Variants in SCUBE3 observed in about 807,000 individuals in gnomAD.
SCUBE3 encodes the protein signal peptide, CUB and EGF-like domain-containing protein 3.
In SCUBE3, 33 loss-of-function variants were observed where a neutral mutation model predicts 116.8. That is an observed-to-expected ratio of 0.28 (90% CI 0.21 to 0.38). SCUBE3 has a LOEUF of 0.38. SCUBE3 is among the 10% of genes least tolerant of loss of function. SCUBE3 has a pLI of 1.00. For synonymous variants in SCUBE3, 418 were observed against 496.9 expected (o/e 0.84, Z 2.11); for missense variants, 1,007 against 1,324.8 (o/e 0.76, Z 3.72).
At chr6:35,224,081 T>A (rs1783225941) in intron 1 of SCUBE3, 1 of 151,952 alleles carries the variant, frequency 6.6e-6, no homozygotes, top group Non-Finnish European at 1.5e-5. Context: ...GGAAGAAAAA[T>A]TTGAGCTGGA....
rs1019588124 is a variant in SCUBE3 at position 35,235,047 on chromosome 6, G to A, written c.712+1746G>A. Among the ~76,000 whole-genome samples the A allele has an allele frequency of 6.6e-6, 1 of 152,292 alleles. No homozygotes were observed. Among genetic ancestry groups the A allele is most frequent in the East Asian group, 1.9e-4 (1 of 5,188 alleles). The stretch of plus-strand genomic sequence containing the variant: ...AGAGGAAACATCATTGCCTGGGGCC[G>A]TCAGGACATTCAGATTCGGTGGGAA... On this transcript the variant is annotated intron_variant, in intron 6 of 21. Coordinates refer to ENST00000274938, the MANE Select transcript of SCUBE3 (RefSeq NM_152753.4). This position sits in a 1 kb window ranked among gnomAD's most constrained non-coding sequence, Gnocchi z 4.5.
chr6:35,242,925 T>C, intron 14 of SCUBE3, 96 bp from the exon 15 acceptor site: 1 of 1,493,248 alleles, frequency 6.7e-7, no homozygotes, highest in Non-Finnish European at 9.3e-7. Flanking sequence ...CTAGTCCCTC[T>C]TACCATGCCC....
rs1477834459 is a variant in SCUBE3 at position 35,214,902 on chromosome 6, T to C, written c.85+399T>C. Among the ~76,000 whole-genome samples the C allele has an allele frequency of 6.6e-6, 1 of 152,228 alleles. No homozygotes were observed. The highest frequency in any genetic ancestry group is 2.4e-5 in the African/African-American group (1 of 41,452). On this transcript the variant is annotated intron_variant, in intron 1 of 21. Transcript: ENST00000274938. The surrounding 1 kb of genome is among the most constrained non-coding windows in gnomAD (Gnocchi z 6.3). The stretch of plus-strand genomic sequence containing the variant: ...GAGACTGAGGGAATAATGAAAACTT[T>C]TCAGCCGTGCCGTATATTTCTTTCC...
At chr6:35,248,170 A>G (rs1361991999) in intron 21 of SCUBE3, among the ~76,000 whole-genome samples, 1 of 55,868 alleles carries the variant, frequency 1.8e-5, no homozygotes, top group African/African-American at 4.4e-5. Flanking sequence ...CTACGGAGGG[A>G]CAAAGGTAGC....
chr6:35,234,226 C>T (rs889254384), intron 6 of SCUBE3, among the ~76,000 whole-genome samples: 2 of 152,170 alleles, frequency 1.3e-5, no homozygotes, highest in Non-Finnish European at 2.9e-5. Context: ...CCAGGCAGGG[C>T]ATGAGCTTGC....
intron 1 of SCUBE3, among the ~76,000 whole-genome samples, chr6:35,225,113 T>G (rs908090686): frequency 2.6e-5 from 4 of 152,214 alleles, no homozygotes; most frequent in Admixed American, 2.0e-4. Context: ...GACCAGTGAT[T>G]TAATACCATC....
chr6:35,214,491 A>G lies in SCUBE3; in HGVS notation c.73A>G (p.Lys25Glu). 1 of 1,500,202 alleles carries G rather than the reference A, an allele frequency of 6.7e-7. No individual in the cohort carries two copies. The highest frequency in any genetic ancestry group is 2.2e-5 in the Admixed American group (1 of 45,922). 92.9% of individuals were successfully genotyped at this position (1,500,202 alleles called of 1,614,324 possible). A position where few individuals can be genotyped will look rare whatever the true frequency, so the allele number is the denominator to read the frequency against. ...CCACGCCCGCGCCGCCCAGTACAGC[A>G]AAGCCGCGCAAGGTAAGGAAGGAGG... Reference protein sequence around the residue: ...LVHARAAQYSKAAQDVDECVE... With the variant: ...LVHARAAQYSEAAQDVDECVE... The change falls in exon 1 of 22, where the codon AAA (lysine) becomes GAA (glutamate). Residue 25 changes from lysine to glutamate, a missense_variant. Coordinates refer to ENST00000274938, the MANE Select transcript of SCUBE3 (RefSeq NM_152753.4). The surrounding 1 kb of genome is among the most constrained non-coding windows in gnomAD (Gnocchi z 6.3).
rs566398160 is a variant in SCUBE3, at chr6:35,231,515, C to A, written c.335-210C>A. 1.3e-5 allele frequency among the ~76,000 whole-genome samples: 2 copies of A among 152,316 alleles called. No homozygotes were observed. The highest frequency in any genetic ancestry group is 4.1e-4 in the South Asian group (2 of 4,834). ...ATTTGAGGTTCAAAGGTCCCCTTTT[C>A]CCCCACTTGCTTAGCTTCCCAGCTC... On this transcript the variant is annotated intron_variant, in intron 3 of 21. Transcript: ENST00000274938. This position sits in a 1 kb window ranked among gnomAD's most constrained non-coding sequence, Gnocchi z 4.2.
chr6:35,245,233 C>A lies in SCUBE3; in HGVS notation c.2407C>A (p.Gln803Lys). The A allele has an allele frequency of 6.2e-7, 1 of 1,614,132 alleles. No individual in the cohort carries two copies. Among genetic ancestry groups the A allele is most frequent in the South Asian group, 1.1e-5 (1 of 91,076 alleles). The change falls in exon 19 of 22, where the codon CAG becomes AAG. Residue 803 changes from glutamine (Q) to lysine (K), a missense_variant. Physicochemically the swap from Gln to Lys is moderately conservative, Grantham distance 53. Coordinates refer to ENST00000274938, the MANE Select transcript of SCUBE3 (RefSeq NM_152753.4). This position sits in a 1 kb window ranked among gnomAD's most constrained non-coding sequence, Gnocchi z 4.2. ...CCACTGGGGTTTGGCTGCAGATCGTCAGTGTGGTGGGGAGCTGGGTGAGTT... is the reference window on the plus strand; with the variant it reads ...CCACTGGGGTTTGGCTGCAGATCGTAAGTGTGGTGGGGAGCTGGGTGAGTT... ...STSVAQCKNR[Q>K]CGGELGEFTG...
chr6:35,216,499 C>T (rs892576547), intron 1 of SCUBE3, among the ~76,000 whole-genome samples: 4 of 152,206 alleles, frequency 2.6e-5, no homozygotes, highest in African/African-American at 9.7e-5. Flanking sequence ...AATCTACAAA[C>T]CCCATCTGCC....
chr6:35,223,730 A>G (rs1359834038), intron 1 of SCUBE3: 2 of 152,228 alleles, frequency 1.3e-5, no homozygotes, highest in Admixed American at 6.5e-5. Context: ...CTAAGATGAG[A>G]CTGTGCTGTG....
At position 35,241,339 on chromosome 6, in the gene SCUBE3, G is replaced by A; in HGVS notation, c.1195+73G>A. On this transcript the variant is annotated intron_variant, in intron 10 of 21. Coordinates refer to ENST00000274938, the MANE Select transcript of SCUBE3 (RefSeq NM_152753.4). The surrounding 1 kb of genome is among the most constrained non-coding windows in gnomAD (Gnocchi z 4.1). ...AGCAGTTGGGGTTCTGGAAAGCATAGAGTATCACATTGGGGAAAGGTGTGA... is the reference window on the plus strand; with the variant it reads ...AGCAGTTGGGGTTCTGGAAAGCATAAAGTATCACATTGGGGAAAGGTGTGA... The A allele has an allele frequency of 6.7e-7, 1 of 1,494,114 alleles. No homozygotes were observed. The highest frequency in any genetic ancestry group is 9.1e-7 in the Non-Finnish European group (1 of 1,092,960). 92.6% of individuals were successfully genotyped at this position (1,494,114 alleles called of 1,614,324 possible). A position where few individuals can be genotyped will look rare whatever the true frequency, so the allele number is the denominator to read the frequency against.
At position 35,214,266 on chromosome 6, in the gene SCUBE3, G is replaced by A. The variant is rs572441305; in HGVS notation, c.-153G>A. Among the ~76,000 whole-genome samples the A allele has an allele frequency of 1.6e-3, 244 of 152,122 alleles. No homozygotes were observed. The highest frequency in any genetic ancestry group is 1.8e-3 in the Non-Finnish European group (119 of 67,964). On this transcript the variant is annotated 5_prime_UTR_variant, in exon 1 of 22. Transcript: ENST00000274938. The surrounding 1 kb of genome is among the most constrained non-coding windows in gnomAD (Gnocchi z 6.3). ...GCATCGGGAGCCTCGCGCCGAGGGC[G>A]CCGCGGTCCGCGCCCCGCGACTGCA...
intron 6 of SCUBE3, among the ~76,000 whole-genome samples, chr6:35,236,460 G>A (rs928896418): frequency 1.9e-4 from 29 of 152,330 alleles, no homozygotes; most frequent in Admixed American, 1.0e-3. Context: ...ACTCTTTAGC[G>A]GGTGGCTAGC....
chr6:35,246,618 G>T (rs577267579), intron 21 of SCUBE3, among the ~76,000 whole-genome samples: 2 of 152,334 alleles, frequency 1.3e-5, no homozygotes, highest in African/African-American at 4.8e-5. Flanking sequence ...GGAAAGTGAA[G>T]TATAGAAAGA....
chr6:35,217,548 T>C (rs1394673314), intron 1 of SCUBE3, among the ~76,000 whole-genome samples: 2 of 151,230 alleles, frequency 1.3e-5, no homozygotes, highest in Non-Finnish European at 3.0e-5. Flanking sequence ...CGGGTCTCTG[T>C]CTGGGTGTAT....
intron 1 of SCUBE3, among the ~76,000 whole-genome samples, chr6:35,217,573 C>T (rs1453938535): frequency 2.6e-5 from 4 of 152,016 alleles, no homozygotes; most frequent in African/African-American, 9.7e-5. Context: ...CTCTTTCTTT[C>T]TCCCACCCTT....
At chr6:35,216,733 A>G (rs546357572) in intron 1 of SCUBE3, among the ~76,000 whole-genome samples, 1 of 152,368 alleles carries the variant, frequency 6.6e-6, no homozygotes, top group Admixed American at 6.5e-5. Context: ...CTTTATATAA[A>G]GCACTAGCAG....
At chr6:35,247,404 C>G (rs1232076601) in intron 21 of SCUBE3, among the ~76,000 whole-genome samples, 1 of 149,164 alleles carries the variant, frequency 6.7e-6, no homozygotes. Context: ...TGCCATTGCA[C>G]TCCAGCCTGG....
Sources: allele counts gnomAD v4.1 joint callset (sites outside exome capture counted in the v4.1 genomes callset), GRCh38; gene constraint gnomAD v4.1.1; non-coding constraint Gnocchi (gnomAD v3.1); transcripts MANE v1.5; gene names NCBI Gene and HGNC (gene_info 2026-07-23, HGNC 2026-07-21).